Variants in TMEM135 observed in about 807,000 individuals in gnomAD.
The protein encoded by TMEM135 is transmembrane protein 135.
TMEM135 carries 30 observed loss-of-function variants against 60.3 expected under a neutral mutation model. That is an observed-to-expected ratio of 0.50 (90% CI 0.37 to 0.68). The LOEUF is 0.68. Ranked by LOEUF, TMEM135 falls within the 30% of genes least tolerant of loss-of-function variation. The pLI is 0.00. For synonymous variants in TMEM135, 190 were observed against 186.7 expected (o/e 1.02, Z -0.14); for missense variants, 468 against 548.8 (o/e 0.85, Z 1.47).
intron 3 of TMEM135, among the ~76,000 whole-genome samples, chr11:87,073,182 G>C (rs1450175030): frequency 6.6e-6 from 1 of 151,984 alleles, no homozygotes; most frequent in Non-Finnish European, 1.5e-5. Context: ...CTACAGGCAC[G>C]TGCCACCACG....
intron 5 of TMEM135, among the ~76,000 whole-genome samples, chr11:87,211,868 C>T (rs1474324180): frequency 4.6e-5 from 7 of 151,608 alleles, no homozygotes; most frequent in South Asian, 2.1e-4. Context: ...GGCGTGAACC[C>T]GGGAGGTGGA....
chr11:87,229,529 A>G (rs1419503325), intron 5 of TMEM135, among the ~76,000 whole-genome samples: 1 of 152,146 alleles, frequency 6.6e-6, no homozygotes, highest in East Asian at 1.9e-4. Flanking sequence ...TGTGGGGAGT[A>G]TATATTGGTA....
intron 1 of TMEM135, among the ~76,000 whole-genome samples, chr11:87,038,609 CTTT>C (rs3045930): frequency 0.3 from 33,998 of 113,922 alleles, 5,210 homozygotes; most frequent in East Asian, 0.51. Flanking sequence ...TTTTATTTTG[CTTT>C]TTTTTTTTTT....
chr11:87,069,387 C>G (rs1856732697), intron 2 of TMEM135, among the ~76,000 whole-genome samples: 1 of 148,954 alleles, frequency 6.7e-6, no homozygotes, highest in Non-Finnish European at 1.5e-5. Context: ...TCTTTATGTT[C>G]TATGAACCTG....
At chr11:87,083,114 C>T (rs917682793) in intron 3 of TMEM135, among the ~76,000 whole-genome samples, 24 of 152,194 alleles carry the variant, frequency 1.6e-4, no homozygotes, top group African/African-American at 5.8e-4. Flanking sequence ...TAGTATTAAG[C>T]GTGCTTGCTT....
chr11:87,130,624 G>A (rs1937898952), intron 4 of TMEM135, among the ~76,000 whole-genome samples: 1 of 152,056 alleles, frequency 6.6e-6, no homozygotes, highest in Admixed American at 6.6e-5. Flanking sequence ...ACTATAGTAT[G>A]GGATGAGTAG....
chr11:87,044,348 T>A (rs774442896), intron 1 of TMEM135, among the ~76,000 whole-genome samples: 2 of 152,114 alleles, frequency 1.3e-5, no homozygotes, highest in African/African-American at 4.8e-5. Context: ...TTCTAGAGGC[T>A]ACAAGACCAG....
chr11:87,122,333 A>C (rs951824688), intron 4 of TMEM135, among the ~76,000 whole-genome samples: 12 of 141,868 alleles, frequency 8.5e-5, no homozygotes. Context: ...TTTTTTGTCA[A>C]ATCCTGATTT....
intron 6 of TMEM135, among the ~76,000 whole-genome samples, chr11:87,290,062 T>G (rs962979497): frequency 6.6e-6 from 1 of 152,216 alleles, no homozygotes; most frequent in African/African-American, 2.4e-5. Flanking sequence ...TTCTGTAGAT[T>G]GCGAAGAAAT....
chr11:87,247,973 G>A (rs1941325815), intron 6 of TMEM135, among the ~76,000 whole-genome samples: 1 of 151,060 alleles, frequency 6.6e-6, no homozygotes, highest in South Asian at 2.1e-4. Flanking sequence ...CTTTAGACTG[G>A]AGCTGTTCCT....
chr11:87,102,734 A>G (rs1208213453), intron 4 of TMEM135, among the ~76,000 whole-genome samples: 1 of 144,812 alleles, frequency 6.9e-6, no homozygotes, highest in Admixed American at 6.8e-5. Context: ...ATATGTATAT[A>G]TATATGTATA....
intron 5 of TMEM135, among the ~76,000 whole-genome samples, chr11:87,195,851 G>A (rs1386014142): frequency 2.0e-5 from 3 of 152,166 alleles, no homozygotes; most frequent in Non-Finnish European, 4.4e-5. Context: ...GACATTTAAA[G>A]AAAAGCATTT....
At chr11:87,244,833 T>C (rs1941224299) in intron 6 of TMEM135, among the ~76,000 whole-genome samples, 1 of 150,292 alleles carries the variant, frequency 6.7e-6, no homozygotes, top group South Asian at 2.1e-4. Context: ...TGAAGGGTTT[T>C]TTGTGTCTCT....
chr11:87,312,810 C>G (rs1956424152), intron 10 of TMEM135, among the ~76,000 whole-genome samples: 1 of 151,722 alleles, frequency 6.6e-6, no homozygotes. Flanking sequence ...GTTTGCTGAC[C>G]CCTATTTTAG....
chr11:87,311,283 G>T (rs1276450327), intron 10 of TMEM135, among the ~76,000 whole-genome samples: 3 of 151,324 alleles, frequency 2.0e-5, no homozygotes, highest in Admixed American at 6.6e-5. Flanking sequence ...ATGGAAAGGA[G>T]GAATAATAAA....
intron 8 of TMEM135, among the ~76,000 whole-genome samples, chr11:87,304,362 A>G (rs960107640): frequency 6.6e-6 from 1 of 152,148 alleles, no homozygotes; most frequent in Non-Finnish European, 1.5e-5. Flanking sequence ...CTTGGGTGAC[A>G]GAGTGACACC....
intron 12 of TMEM135, among the ~76,000 whole-genome samples, chr11:87,317,676 T>A (rs191169533): frequency 6.6e-6 from 1 of 152,276 alleles, no homozygotes; most frequent in Non-Finnish European, 1.5e-5. Flanking sequence ...CTGAAGATCA[T>A]GCAAAGTTGA....
intron 5 of TMEM135, among the ~76,000 whole-genome samples, chr11:87,162,197 TA>T (rs141019521): frequency 0.13 from 19,226 of 151,714 alleles, 1,259 homozygotes; most frequent in Middle Eastern, 0.15. Context: ...GTATATCTTT[TA>T]TTTTTTTTTG....
At chr11:87,232,820 A>T (rs2135369540) in intron 5 of TMEM135, among the ~76,000 whole-genome samples, 2 of 152,224 alleles carry the variant, frequency 1.3e-5, no homozygotes, top group East Asian at 3.9e-4. Flanking sequence ...ACCAACACTA[A>T]AATAAACCAA....
Sources: gnomAD v4.1 joint callset for allele counts (sites outside exome capture counted in the v4.1 genomes callset) on GRCh38, gnomAD v4.1.1 for gene constraint, MANE v1.5 for transcripts, NCBI Gene and HGNC (gene_info 2026-07-23, HGNC 2026-07-21) for gene names.